The following FAM180A variants were observed in gnomAD, a reference collection of about 807,000 sequenced individuals.
FAM180A encodes family with sequence similarity 180 member A.
In FAM180A, 14 loss-of-function variants were observed where a neutral mutation model predicts 15.3. The observed-to-expected ratio is 0.92, with a 90% CI of 0.61 to 1.43. The LOEUF (loss-of-function observed/expected upper bound fraction) is 1.43. Ranked by LOEUF, FAM180A falls within the 40% of genes most tolerant of loss-of-function variation. The pLI is 0.00. For missense variants in FAM180A, 200 were observed against 220.8 expected, an observed-to-expected ratio of 0.91 and a Z score of 0.60; for synonymous variants, 90 against 96.8, an observed-to-expected ratio of 0.93 and a Z score of 0.41.
rs1222976656 is a variant in FAM180A at position 135,733,818 on chromosome 7, C to G, written c.*157G>C. 7.1e-7 allele frequency: 1 copy of G among 1,398,904 alleles called. No homozygotes were observed. Among genetic ancestry groups the G allele is most frequent in the African/African-American group, 1.5e-5 (1 of 68,902 alleles). 86.7% of individuals were successfully genotyped at this position (1,398,904 alleles called of 1,614,324 possible). ...ATCAGATGTGTCTTCCAGGAAACTACAAGGAGAAAAGAGCATCGGGGTTAC... is the reference window on the plus strand; with the variant it reads ...ATCAGATGTGTCTTCCAGGAAACTAGAAGGAGAAAAGAGCATCGGGGTTAC... On this transcript the variant is annotated 3_prime_UTR_variant, in exon 3 of 4. Coordinates refer to ENST00000338588, the MANE Select transcript of FAM180A (RefSeq NM_205855.4).
chr7:135,737,073 G>A, intron 2 of FAM180A, 26 bp downstream of exon 2: 1 of 1,559,796 alleles, frequency 6.4e-7, no homozygotes, highest in Non-Finnish European at 8.8e-7. Context: ...GGGTGACTTG[G>A]ATTGAGCATG....
At chr7:135,742,575 G>A (rs372272501) in intron 1 of FAM180A, among the ~76,000 whole-genome samples, 12 of 152,196 alleles carry the variant, frequency 7.9e-5, no homozygotes, top group Admixed American at 3.9e-4. Flanking sequence ...TAGGACACAT[G>A]GGACCGACCA....
At chr7:135,739,136 C>G (rs1796910813) in intron 1 of FAM180A, among the ~76,000 whole-genome samples, 5 of 151,322 alleles carry the variant, frequency 3.3e-5, no homozygotes, top group Non-Finnish European at 7.4e-5. Context: ...ATGGTGAAAC[C>G]CCATCTCTAC....
At chr7:135,742,245 C>T (rs1383088723) in intron 1 of FAM180A, among the ~76,000 whole-genome samples, 2 of 152,192 alleles carry the variant, frequency 1.3e-5, no homozygotes, top group Admixed American at 6.5e-5. Context: ...AGAAATAGCT[C>T]TATCTGATCA....
intron 3 of FAM180A, among the ~76,000 whole-genome samples, chr7:135,731,092 T>C (rs1796774085): frequency 6.6e-6 from 1 of 152,158 alleles, no homozygotes; most frequent in Admixed American, 6.5e-5. Context: ...GGAGCAGCCA[T>C]CTACATAACA....
intron 1 of FAM180A, among the ~76,000 whole-genome samples, chr7:135,746,410 T>C (rs1797032982): frequency 6.6e-6 from 1 of 152,188 alleles, no homozygotes. Context: ...GAGGGTTTTA[T>C]TGATGTGATG....
Position 135,734,264 on chromosome 7 carries a change from T to A in FAM180A, c.233A>T (p.Glu78Val). 6.2e-7 allele frequency: 1 copy of A among 1,613,892 alleles called. No individual in the cohort carries two copies. The stretch of plus-strand genomic sequence containing the variant: ...GGCCTTCCGCAAGGAGGCCAGCTCC[T>A]CGTCCTTGATGGAGATCTGCAGGTC... ...SPDLQISIKD[E>V]ELASLRKASD... Residue 78 changes from glutamate to valine, a missense_variant, in exon 3 of 4, where the codon GAG becomes GTG. Transcript: ENST00000338588.
rs988366767 is a variant in FAM180A at position 135,729,937 on chromosome 7, A to G, written c.*674T>C. On this transcript the variant is annotated 3_prime_UTR_variant, in exon 4 of 4. Coordinates refer to ENST00000338588, the MANE Select transcript of FAM180A (RefSeq NM_205855.4). Reference sequence around the variant, plus strand: ...AAGTTCCGGGGGTCTGTTTCACAACATGCATGGAGTTAACACTGCTGTACC... The same window carrying G: ...AAGTTCCGGGGGTCTGTTTCACAACGTGCATGGAGTTAACACTGCTGTACC... 17 of 793,222 alleles carry G rather than the reference A, an allele frequency of 2.1e-5. No individual in the cohort carries two copies. Among genetic ancestry groups the G allele is most frequent in the Middle Eastern group, 1.3e-3 (2 of 1,552 alleles). The allele number at this position is 793,222 out of a possible 1,614,324, so 49.1% of individuals were successfully genotyped here. A position where few individuals can be genotyped will look rare whatever the true frequency, so the allele number is the denominator to read the frequency against.
At chr7:135,730,811 A>G (rs1011638687) in intron 3 of FAM180A, among the ~76,000 whole-genome samples, 1 of 152,168 alleles carries the variant, frequency 6.6e-6, no homozygotes, top group Non-Finnish European at 1.5e-5. Flanking sequence ...GGTGATCATA[A>G]TATTTGATTC....
At position 135,748,721 on chromosome 7, in the gene FAM180A, C is replaced by T. The variant is rs1015750083; in HGVS notation, c.-141G>A. ...TTGCAGACGTGCAGAAATGCCTACT[C>T]TGCCTCAGAAGGCTGGAGGCTGAAG... is the stretch of plus-strand genomic sequence containing the variant. On this transcript the variant is annotated 5_prime_UTR_variant, in exon 1 of 4. Transcript: ENST00000338588. 1 of 717,694 alleles carries T rather than the reference C, an allele frequency of 1.4e-6. No homozygotes were observed. Among genetic ancestry groups the T allele is most frequent in the Non-Finnish European group, 2.5e-6 (1 of 405,072 alleles). 44.5% of individuals were successfully genotyped at this position (717,694 alleles called of 1,614,324 possible).
chr7:135,734,301 C>G lies in FAM180A; in HGVS notation c.196G>C (p.Glu66Gln). Reference sequence around the variant, plus strand: ...GAGATCTGCAGGTCAGGGCTGATCTCAAGTTCGGCCAGCAGGAACTGGTGA... The same window carrying G: ...GAGATCTGCAGGTCAGGGCTGATCTGAAGTTCGGCCAGCAGGAACTGGTGA... ...LLYEFLLAEL[E>Q]ISPDLQISIK... Residue 66 changes from glutamate to glutamine, a missense_variant, in exon 3 of 4, where the codon GAG (glutamate) becomes CAG (glutamine). Coordinates refer to ENST00000338588, the MANE Select transcript of FAM180A (RefSeq NM_205855.4). The G allele has an allele frequency of 1.3e-6, 2 of 1,594,504 alleles. No individual in the cohort carries two copies. Among genetic ancestry groups the G allele is most frequent in the South Asian group, 1.1e-5 (1 of 88,988 alleles).
chr7:135,747,619 G>C (rs1476591479), intron 1 of FAM180A, among the ~76,000 whole-genome samples: 1 of 152,060 alleles, frequency 6.6e-6, no homozygotes, highest in African/African-American at 2.4e-5. Context: ...GCGCATCCAT[G>C]CCACCATGCC....
At chr7:135,740,736 A>C (rs981510599) in intron 1 of FAM180A, among the ~76,000 whole-genome samples, 2 of 152,138 alleles carry the variant, frequency 1.3e-5, no homozygotes, top group Non-Finnish European at 2.9e-5. Flanking sequence ...CAAAGAGGGC[A>C]TGGACTTTGT....
rs191518247 is a variant in FAM180A at position 135,738,911 on chromosome 7, A to G, written c.77-1712T>C. On this transcript the variant is annotated intron_variant, in intron 1 of 3. Transcript: ENST00000338588. The stretch of plus-strand genomic sequence containing the variant: ...ACTACAAGGTGTTGGCACCCCCTGA[A>G]GTTGTACAGGCATATTTTGCTTAAT... Among the ~76,000 whole-genome samples the G allele has an allele frequency of 2.0e-5, 3 of 152,358 alleles. No individual in the cohort carries two copies. In the East Asian group the frequency reaches 5.8e-4, roughly 29 times the overall value.
intron 1 of FAM180A, among the ~76,000 whole-genome samples, chr7:135,741,741 C>T (rs1474606973): frequency 6.6e-6 from 1 of 151,442 alleles, no homozygotes; most frequent in Admixed American, 6.6e-5. Context: ...GGAGGATCAA[C>T]TGGGCCTGGG....
In FAM180A at chr7:135,747,970, C is replaced by T. The variant is rs371797568; in HGVS notation, c.76+535G>A. On this transcript the variant is annotated intron_variant, in intron 1 of 3. Coordinates refer to ENST00000338588, the MANE Select transcript of FAM180A (RefSeq NM_205855.4). ...GGCCCCTTCCTTTGTGAGGAGGTGG[C>T]GGAGCTGGTGGGTGCAGTGGAGGTT... 7.9e-5 allele frequency among the ~76,000 whole-genome samples: 12 copies of T among 152,234 alleles called. 1 individual carries two copies. Among genetic ancestry groups the T allele is most frequent in the Admixed American group, 3.3e-4 (5 of 15,294 alleles).
intron 1 of FAM180A, among the ~76,000 whole-genome samples, chr7:135,738,817 G>A (rs1796907086): frequency 6.6e-6 from 1 of 152,170 alleles, no homozygotes; most frequent in South Asian, 2.1e-4. Context: ...ATAGAAAAAG[G>A]TACAGCTTCT....
rs1796830730 is a variant in FAM180A at position 135,733,960 on chromosome 7, G to C, written c.*15C>G. ...TGCTGGTCCCTGCTCTGAGGTCCTG[G>C]TGTGGGCCAGTCTCTCAGGGAGGTA... On this transcript the variant is annotated 3_prime_UTR_variant, in exon 3 of 4. Coordinates refer to ENST00000338588, the MANE Select transcript of FAM180A (RefSeq NM_205855.4). 6 of 1,577,540 alleles carry C rather than the reference G, an allele frequency of 3.8e-6. No homozygotes were observed. The highest frequency in any genetic ancestry group is 4.3e-6 in the Non-Finnish European group (5 of 1,161,038).
chr7:135,746,599 G>T (rs1797035047), intron 1 of FAM180A, among the ~76,000 whole-genome samples: 1 of 152,146 alleles, frequency 6.6e-6, no homozygotes, highest in South Asian at 2.1e-4. Context: ...CTTTGTAATA[G>T]CCTGTGCCTT....
Sources: allele counts gnomAD v4.1 joint callset (sites outside exome capture counted in the v4.1 genomes callset), GRCh38; gene constraint gnomAD v4.1.1; transcripts MANE v1.5; gene names NCBI Gene and HGNC (gene_info 2026-07-23, HGNC 2026-07-21).